Variants in RBFOX1 observed in about 807,000 individuals in gnomAD.
RBFOX1 encodes the protein RNA binding fox-1 homolog 1, also known as RNA binding protein fox-1 homolog 1.
Under a neutral mutation model 57.7 loss-of-function variants are expected in RBFOX1, and 8 were observed. The observed-to-expected ratio is 0.14, with a 90% CI of 0.08 to 0.25. The LOEUF (loss-of-function observed/expected upper bound fraction) is 0.25. Among genes scored for constraint, RBFOX1 ranks in the 10% least tolerant of loss-of-function variants. The pLI is 1.00. For missense variants in RBFOX1, 611 were observed against 548.5 expected (o/e 1.11, Z -1.14); for synonymous variants, 326 against 222.4 (o/e 1.47, Z -4.15).
In RBFOX1 at chr16:7,665,183, G is replaced by A. The variant is rs140958585; in HGVS notation, c.930+215G>A. On this transcript the variant is annotated intron_variant, in intron 13 of 15. Transcript: ENST00000550418. ...TTTAGTGGGGTGGAATTAACCCCTC[G>A]ATCAACTTCAGAACGAATGCAATTC... Among the ~76,000 whole-genome samples, 238 of 152,126 alleles carry A rather than the reference G, an allele frequency of 1.6e-3. 3 individuals are homozygous for A. In the East Asian group the frequency reaches 0.043, roughly 27 times the overall value.
At chr16:6,588,843 T>C (rs74347365) in intron 2 of RBFOX1, among the ~76,000 whole-genome samples, 83 of 152,302 alleles carry the variant, frequency 5.4e-4, no homozygotes, top group African/African-American at 1.9e-3. Flanking sequence ...GCTGTCTCAC[T>C]GCCTCCTTAG....
intron 4 of RBFOX1, among the ~76,000 whole-genome samples, chr16:7,089,708 A>G (rs1315936535): frequency 6.6e-6 from 1 of 152,142 alleles, no homozygotes; most frequent in Non-Finnish European, 1.5e-5. Flanking sequence ...CCACATCCGA[A>G]AAACTTGCTG....
At chr16:6,837,488 A>G (rs1413238380) in intron 3 of RBFOX1, among the ~76,000 whole-genome samples, 1 of 152,208 alleles carries the variant, frequency 6.6e-6, no homozygotes, top group Non-Finnish European at 1.5e-5. Flanking sequence ...CTAGACATGG[A>G]TGAACATAAC....
chr16:6,945,697 C>T (rs1231945054), intron 3 of RBFOX1, among the ~76,000 whole-genome samples: 1 of 152,068 alleles, frequency 6.6e-6, no homozygotes, highest in African/African-American at 2.4e-5. Flanking sequence ...TCAAGACCAG[C>T]CTGGCCAACA....
At chr16:7,225,109 G>A (rs1332243715) in intron 4 of RBFOX1, among the ~76,000 whole-genome samples, 1 of 152,094 alleles carries the variant, frequency 6.6e-6, no homozygotes, top group African/African-American at 2.4e-5. Context: ...TCCAAAAAGG[G>A]CTTATCATCA....
chr16:6,791,119 C>G (rs1410771298), intron 3 of RBFOX1, among the ~76,000 whole-genome samples: 2 of 151,970 alleles, frequency 1.3e-5, no homozygotes, highest in African/African-American at 4.8e-5. Flanking sequence ...CTTGGCTAGG[C>G]TGATCTCAAA....
chr16:6,997,486 T>A (rs2092365617), intron 3 of RBFOX1, among the ~76,000 whole-genome samples: 2 of 152,196 alleles, frequency 1.3e-5, no homozygotes, highest in African/African-American at 2.4e-5. Context: ...ATGTTAACAA[T>A]TTTAATTTGT....
Position 7,709,899 on chromosome 16 carries a change from C to G in RBFOX1, c.1072-724C>G, listed in dbSNP as rs370162009. ...GCAATCATTACAAAGCTTTGGCATG[C>G]AGTTTTCTGCTTGGATCAAGAATAT... is the stretch of plus-strand genomic sequence containing the variant. On this transcript the variant is annotated intron_variant, in intron 15 of 15. Transcript: ENST00000550418. The G allele has an allele frequency of 3.2e-5, 34 of 1,069,646 alleles. 3 individuals are homozygous for G. The Admixed American group carries it at 1.4e-3, about 45-fold the overall frequency. 66.3% of individuals were successfully genotyped at this position (1,069,646 alleles called of 1,614,324 possible). A position where few individuals can be genotyped will look rare whatever the true frequency, so the allele number is the denominator to read the frequency against.
chr16:5,467,403 A>G, intron 2 of RBFOX1: 1 of 697,674 alleles, frequency 1.4e-6, no homozygotes, highest in Middle Eastern at 2.6e-4. Flanking sequence ...CCTTAGCAAG[A>G]AGGTCACTAC....
chr16:7,669,099 T>TA (rs987191234), intron 13 of RBFOX1, among the ~76,000 whole-genome samples: 10 of 152,198 alleles, frequency 6.6e-5, no homozygotes, highest in African/African-American at 2.2e-4. Flanking sequence ...AGATGGGGTT[T>TA]CGCCATGTTG....
intron 2 of RBFOX1, among the ~76,000 whole-genome samples, chr16:5,546,162 A>G (rs1314887186): frequency 6.6e-6 from 1 of 152,216 alleles, no homozygotes; most frequent in Non-Finnish European, 1.5e-5. Flanking sequence ...TATTAATAAG[A>G]CAAACTAATG....
chr16:6,215,169 AGGG>A (rs2097327604), intron 1 of RBFOX1, among the ~76,000 whole-genome samples: 1 of 113,228 alleles, frequency 8.8e-6, no homozygotes, highest in Non-Finnish European at 1.8e-5. Flanking sequence ...ACAGTGAGAG[AGGG>A]AGAGGGGGAG....
rs1484972168 is a variant in RBFOX1 at position 6,185,339 on chromosome 16, G to C, written c.-126-131656G>C. Among the ~76,000 whole-genome samples the C allele has an allele frequency of 2.0e-5, 3 of 152,250 alleles. No homozygotes were observed. The South Asian group carries it at 6.2e-4, about 32-fold the overall frequency. ...TTCTCTCTTGAATTCATTCCAACAAGGCTTCCCTCCTGCCCACCTTCGAGG... is the reference window on the plus strand; with the variant it reads ...TTCTCTCTTGAATTCATTCCAACAACGCTTCCCTCCTGCCCACCTTCGAGG... On this transcript the variant is annotated intron_variant, in intron 1 of 15. Coordinates refer to ENST00000550418, the MANE Select transcript of RBFOX1 (RefSeq NM_018723.4).
chr16:5,274,931 A>T lies in RBFOX1; in HGVS notation c.219+34826A>T, dbSNP rs187491038. 2.1e-4 allele frequency among the ~76,000 whole-genome samples: 32 copies of T among 152,290 alleles called. No individual in the cohort carries two copies. The East Asian group carries it at 5.8e-3, about 28-fold the overall frequency. On this transcript the variant is annotated intron_variant, in intron 1 of 2. Coordinates refer to the RBFOX1 transcript ENST00000585867. The stretch of plus-strand genomic sequence containing the variant: ...TTCTGCAGCAATTGATGGCCACCCA[A>T]CTTGAACAGTGGGGGCTTATCACCT...
At chr16:6,391,432 C>A (rs964087860) in intron 2 of RBFOX1, among the ~76,000 whole-genome samples, 1 of 151,674 alleles carries the variant, frequency 6.6e-6, no homozygotes, top group Non-Finnish European at 1.5e-5. Context: ...ATGACGTGAA[C>A]CCGGGAGGTG....
intron 3 of RBFOX1, among the ~76,000 whole-genome samples, chr16:5,710,456 G>A (rs578227642): frequency 7.1e-4 from 108 of 152,298 alleles, no homozygotes; most frequent in African/African-American, 1.8e-3. Flanking sequence ...AGACTTTGCC[G>A]TGGCTGCTGC....
chr16:6,829,437 G>C (rs994537040), intron 3 of RBFOX1, among the ~76,000 whole-genome samples: 44 of 148,372 alleles, frequency 3.0e-4, no homozygotes, highest in African/African-American at 1.1e-3. Flanking sequence ...GATTTCTTGG[G>C]TAAGTTTTGG....
At chr16:6,379,364 T>A (rs75785124) in intron 2 of RBFOX1, among the ~76,000 whole-genome samples, 1 of 152,114 alleles carries the variant, frequency 6.6e-6, no homozygotes, top group African/African-American at 2.4e-5. Flanking sequence ...AGCCAGGATA[T>A]TCCTGCCTTA....
chr16:5,389,852 C>G (rs964075695), intron 1 of RBFOX1, among the ~76,000 whole-genome samples: 1 of 151,546 alleles, frequency 6.6e-6, no homozygotes, highest in African/African-American at 2.4e-5. Context: ...TGCCTGCCAC[C>G]ACGACCAGCT....
Sources: allele counts gnomAD v4.1 joint callset (sites outside exome capture counted in the v4.1 genomes callset), GRCh38; gene constraint gnomAD v4.1.1; transcripts MANE v1.5; gene names NCBI Gene and HGNC (gene_info 2026-07-23, HGNC 2026-07-21).